The following EFCAB7 variants were observed in gnomAD, a reference collection of about 807,000 sequenced individuals.
The protein encoded by EFCAB7 is EF-hand calcium-binding domain-containing protein 7.
In EFCAB7, 66 loss-of-function variants were observed where a neutral mutation model predicts 77.1. That is an observed-to-expected ratio of 0.86 (90% CI 0.70 to 1.05). EFCAB7 has a LOEUF of 1.05. Among genes scored for constraint, EFCAB7 ranks in the 50% least tolerant of loss-of-function variants. EFCAB7 has a pLI of 0.00. For synonymous variants in EFCAB7, 225 were observed against 243.3 expected (o/e 0.92, Z 0.70); for missense variants, 638 against 730.5 (o/e 0.87, Z 1.46).
chr1:63,561,561 A>G, intron 10 of EFCAB7, 148 bp from the exon 11 acceptor site: 1 of 438,922 alleles, frequency 2.3e-6, no homozygotes, highest in Non-Finnish European at 3.9e-6. Flanking sequence ...TAATGTTTTG[A>G]GCCATTTTTA....
At chr1:63,544,521 T>A (rs1266509946) in intron 6 of EFCAB7, among the ~76,000 whole-genome samples, 1 of 152,170 alleles carries the variant, frequency 6.6e-6, no homozygotes, top group African/African-American at 2.4e-5. Context: ...CAAGCAATTC[T>A]CCTGCCTCAG....
At chr1:63,554,428 C>T (rs1557683118) in intron 8 of EFCAB7, among the ~76,000 whole-genome samples, 1 of 152,198 alleles carries the variant, frequency 6.6e-6, no homozygotes, top group Non-Finnish European at 1.5e-5. Flanking sequence ...GCAACCTCCA[C>T]CTCCGGGTTC....
In EFCAB7 at chr1:63,541,432, A is replaced by G. The variant is rs1171826442; in HGVS notation, c.805-4484A>G. ...CATACATTTTTGCCTAGAAGTTCTC[A>G]AGGAAATTATTCATCAGAAGAAAAG... On this transcript the variant is annotated intron_variant, in intron 6 of 13. Transcript: ENST00000371088. 2.0e-5 allele frequency among the ~76,000 whole-genome samples: 3 copies of G among 152,222 alleles called. No individual in the cohort carries two copies. In the East Asian group the frequency reaches 5.8e-4, roughly 29 times the overall value.
Position 63,572,635 on chromosome 1 carries a change from C to A in EFCAB7, c.*119C>A. ...AATAATAATCTATTCAATTTATATG[C>A]ATTTTCATTTTATGTCCATGGTATG... On this transcript the variant is annotated 3_prime_UTR_variant, in exon 14 of 14. Coordinates refer to ENST00000371088, the MANE Select transcript of EFCAB7 (RefSeq NM_032437.4). The A allele has an allele frequency of 9.0e-7, 1 of 1,116,332 alleles. No homozygotes were observed. The highest frequency in any genetic ancestry group is 1.2e-6 in the Non-Finnish European group (1 of 859,506). The allele number at this position is 1,116,332 out of a possible 1,614,324, so 69.2% of individuals were successfully genotyped here.
At chr1:63,577,409 A>T (rs995563639), downstream of EFCAB7, among the ~76,000 whole-genome samples, 3 of 152,226 alleles carry the variant, frequency 2.0e-5, no homozygotes, top group Non-Finnish European at 4.4e-5. Context: ...GATTCAGGCT[A>T]ATGTCAGCAT....
At chr1:63,583,883 A>T in the EFCAB7 span, among the ~76,000 whole-genome samples, 1 of 147,408 alleles carries the variant, frequency 6.8e-6, no homozygotes, top group Admixed American at 7.0e-5. Flanking sequence ...GTTGTGCATC[A>T]TTTCACAGAA....
chr1:63,550,528 T>C (rs1646952083), intron 7 of EFCAB7: 1 of 152,140 alleles, frequency 6.6e-6, no homozygotes, highest in African/African-American at 2.4e-5. Context: ...TCTAGCTTAG[T>C]CTACACAGAT....
intron 11 of EFCAB7, among the ~76,000 whole-genome samples, chr1:63,562,620 CTCCT>C (rs1647122765): frequency 6.7e-6 from 1 of 149,414 alleles, no homozygotes; most frequent in Admixed American, 6.7e-5. Flanking sequence ...CTGCCTCAGC[CTCCT>C]GAGTAGCTAG....
chr1:63,572,235 C>T (rs1261172340), intron 13 of EFCAB7, among the ~76,000 whole-genome samples: 3 of 152,178 alleles, frequency 2.0e-5, no homozygotes, highest in African/African-American at 7.2e-5. Context: ...CAACTGACAG[C>T]TACTATGTTA....
chr1:63,578,118 A>G, the EFCAB7 span, among the ~76,000 whole-genome samples: 2 of 152,188 alleles, frequency 1.3e-5, no homozygotes, highest in African/African-American at 2.4e-5. Context: ...TGTGGGCTGG[A>G]AGAATCAGGG....
At chr1:63,564,330 A>C (rs1367439283) in intron 11 of EFCAB7, among the ~76,000 whole-genome samples, 1 of 152,224 alleles carries the variant, frequency 6.6e-6, no homozygotes, top group African/African-American at 2.4e-5. Context: ...AAATAAAACT[A>C]TAGGGCAGTT....
intron 11 of EFCAB7, 118 bp from the exon 12 acceptor site, chr1:63,568,191 TA>T (rs1647190965): frequency 2.2e-6 from 2 of 890,532 alleles, no homozygotes; most frequent in East Asian, 3.0e-5. Context: ...AATTTTCCTC[TA>T]AAAGTTTATT....
At chr1:63,553,822 A>G (rs1054595819) in intron 8 of EFCAB7, among the ~76,000 whole-genome samples, 10 of 151,706 alleles carry the variant, frequency 6.6e-5, no homozygotes, top group African/African-American at 2.4e-4. Context: ...AAATATACCT[A>G]AGTTGGTTTT....
At chr1:63,533,717 T>A in intron 5 of EFCAB7, 68 bp downstream of exon 5, 1 of 1,240,332 alleles carries the variant, frequency 8.1e-7, no homozygotes, top group Non-Finnish European at 1.1e-6. Context: ...AAATTTTTCC[T>A]TCCATTTCAG....
chr1:63,558,902 G>C (rs929525353), intron 10 of EFCAB7, among the ~76,000 whole-genome samples: 62 of 151,860 alleles, frequency 4.1e-4, no homozygotes, highest in African/African-American at 1.5e-3. Context: ...GAAAAAACAG[G>C]CTGGGTGCTG....
chr1:63,561,816 C>G lies in EFCAB7; in HGVS notation c.1456C>G (p.Leu486Val). 1 of 1,606,622 alleles carries G rather than the reference C, an allele frequency of 6.2e-7. No individual in the cohort carries two copies. The highest frequency in any genetic ancestry group is 2.2e-5 in the East Asian group (1 of 44,448). The change falls in exon 11 of 14, where the codon CTA (leucine) becomes GTA (valine). Residue 486 changes from leucine to valine, a missense_variant. Transcript: ENST00000371088. ...EGDPCDLWVTLHSMGYNKALE... is the reference protein window; with the variant it reads ...EGDPCDLWVTVHSMGYNKALE... ...AGATCCTTGTGACCTTTGGGTAACT[C>G]TACACTCTATGGGCTACAATAAAGC...
At position 63,534,020 on chromosome 1, in the gene EFCAB7, C is replaced by T. The variant is rs775916978; in HGVS notation, c.683-75C>T. 3.3e-6 allele frequency: 5 copies of T among 1,509,640 alleles called. No homozygotes were observed. The Admixed American group carries it at 5.3e-5, about 16-fold the overall frequency. 93.5% of individuals were successfully genotyped at this position (1,509,640 alleles called of 1,614,324 possible). A position where few individuals can be genotyped will look rare whatever the true frequency, so the allele number is the denominator to read the frequency against. ...AAAGTAATACAGTAGATCTTTTATACTGCACTGTGTTTGGAAAAAACTCCT... is the reference window on the plus strand; with the variant it reads ...AAAGTAATACAGTAGATCTTTTATATTGCACTGTGTTTGGAAAAAACTCCT... On this transcript the variant is annotated intron_variant, in intron 5 of 13. Coordinates refer to ENST00000371088, the MANE Select transcript of EFCAB7 (RefSeq NM_032437.4).
intron 10 of EFCAB7, among the ~76,000 whole-genome samples, chr1:63,560,194 T>G (rs1010435377): frequency 2.0e-5 from 3 of 152,054 alleles, no homozygotes; most frequent in African/African-American, 4.8e-5. Flanking sequence ...CCTCATGATC[T>G]GCCCGCCTCA....
In EFCAB7 at chr1:63,572,621, A is replaced by G; in HGVS notation, c.*105A>G. 1 of 1,144,772 alleles carries G rather than the reference A, an allele frequency of 8.7e-7. No individual in the cohort carries two copies. The highest frequency in any genetic ancestry group is 1.1e-6 in the Non-Finnish European group (1 of 877,106). The allele number at this position is 1,144,772 out of a possible 1,614,324, so 70.9% of individuals were successfully genotyped here. On this transcript the variant is annotated 3_prime_UTR_variant, in exon 14 of 14. Coordinates refer to ENST00000371088, the MANE Select transcript of EFCAB7 (RefSeq NM_032437.4). The stretch of plus-strand genomic sequence containing the variant: ...AACTGATGTACCTAAATAATAATCT[A>G]TTCAATTTATATGCATTTTCATTTT...
Sources: gnomAD v4.1 joint callset for allele counts (sites outside exome capture counted in the v4.1 genomes callset) on GRCh38, gnomAD v4.1.1 for gene constraint, MANE v1.5 for transcripts, NCBI Gene and HGNC (gene_info 2026-07-23, HGNC 2026-07-21) for gene names.